The following TNXB variants were observed in gnomAD, a reference collection of about 807,000 sequenced individuals.
TNXB encodes the protein tenascin-X.
Under a neutral mutation model 340.5 loss-of-function variants are expected in TNXB, and 183 were observed. That is an observed-to-expected ratio of 0.54 (90% CI 0.48 to 0.61). TNXB has a LOEUF of 0.61. Among genes scored for constraint, TNXB ranks in the 20% least tolerant of loss-of-function variants. The pLI is 0.00. For synonymous variants in TNXB, 2,121 were observed against 2,314.5 expected (o/e 0.92, Z 2.40); for missense variants, 4,613 against 5,446.4 (o/e 0.85, Z 4.82).
rs1387993408 is a variant in TNXB, at chr6:32,108,022, C to T, written c.-9+1159G>A. On this transcript the variant is annotated intron_variant, in intron 1 of 43. Coordinates refer to ENST00000644971, the MANE Select transcript of TNXB (RefSeq NM_001365276.2). This position sits in a 1 kb window ranked among gnomAD's most constrained non-coding sequence, Gnocchi z 4.8. ...TGGAAAAATTAAGAGAAAGGATTTC[C>T]AGGCCCCAGCTGAAAATGGTTAGGG... Among the ~76,000 whole-genome samples, 1 of 152,104 alleles carries T rather than the reference C, an allele frequency of 6.6e-6. No homozygotes were observed. The highest frequency in any genetic ancestry group is 1.5e-5 in the Non-Finnish European group (1 of 68,028).
chr6:32,048,375 C>T lies in TNXB; in HGVS notation c.10033G>A (p.Glu3345Lys), dbSNP rs1401796717. 2.7e-6 allele frequency: 4 copies of T among 1,501,598 alleles called. No homozygotes were observed. The highest frequency in any genetic ancestry group is 1.4e-5 in the African/African-American group (1 of 72,050). 93.0% of individuals were successfully genotyped at this position (1,501,598 alleles called of 1,614,324 possible). A position where few individuals can be genotyped will look rare whatever the true frequency, so the allele number is the denominator to read the frequency against. ...AGCCCTCACTCACCGGTCCTGGCCT[C>T]CACAGGGACTGGGCCGTGGCGTTTC... Reference protein sequence around the residue: ...NGKRHGPVPVEARTAPDTKPS... With the variant: ...NGKRHGPVPVKARTAPDTKPS... The change falls in exon 29 of 44, where the codon GAG (glutamate) becomes AAG (lysine). Residue 3345 changes from glutamate to lysine, a missense_variant. This residue lies in a region of TNXB where 4,327 missense variants were observed against 4,859.4 expected (regional missense o/e 0.89). Coordinates refer to ENST00000644971, the MANE Select transcript of TNXB (RefSeq NM_001365276.2).
rs553143905 is a variant in TNXB at position 32,097,580 on chromosome 6, C to T, written c.404-131G>A. 1.2e-4 allele frequency: 143 copies of T among 1,228,930 alleles called. 2 individuals carry two copies. In the South Asian group the frequency reaches 2.2e-3, roughly 19 times the overall value. 76.1% of individuals were successfully genotyped at this position (1,228,930 alleles called of 1,614,324 possible). ...ATAAGGCCATGTCTGCTCCCAGTTG[C>T]TAGTATGTGTAATGTATGCAGCCTC... is the stretch of plus-strand genomic sequence containing the variant. On this transcript the variant is annotated intron_variant, in intron 2 of 43. Coordinates refer to ENST00000644971, the MANE Select transcript of TNXB (RefSeq NM_001365276.2). This position sits in a 1 kb window ranked among gnomAD's most constrained non-coding sequence, Gnocchi z 5.9.
rs1780010839 is a variant in TNXB, at chr6:32,090,117, A to G, written c.2359-738T>C. Among the ~76,000 whole-genome samples, 1 of 152,170 alleles carries G rather than the reference A, an allele frequency of 6.6e-6. No individual in the cohort carries two copies. Among genetic ancestry groups the G allele is most frequent in the African/African-American group, 2.4e-5 (1 of 41,438 alleles). On this transcript the variant is annotated intron_variant, in intron 4 of 43. Transcript: ENST00000644971. The surrounding 1 kb of genome is among the most constrained non-coding windows in gnomAD (Gnocchi z 4.3). ...AGAACCACCTGCTCAAAGTTCCACA[A>G]ATATGTTTCCTGATTGTTGATTTTG...
At chr6:32,057,272 C>T (rs1475272707) in intron 22 of TNXB, among the ~76,000 whole-genome samples, 4 of 152,204 alleles carry the variant, frequency 2.6e-5, no homozygotes, top group Admixed American at 6.5e-5. Flanking sequence ...AAGCTCAGCA[C>T]ACTCCTCCCG....
rs913678549 is a variant in TNXB at position 32,085,257 on chromosome 6, AC to A, written c.3148+492del. Among the ~76,000 whole-genome samples, 2 of 151,904 alleles carry A rather than the reference AC, an allele frequency of 1.3e-5. No individual in the cohort carries two copies. Among genetic ancestry groups the A allele is most frequent in the African/African-American group, 4.8e-5 (2 of 41,340 alleles). The stretch of plus-strand genomic sequence containing the variant: ...GAGCCCCCTGCCCCAAGGAGCCTTC[AC>A]CCCCAGCAGAAACTGGCTGATGGGA... On this transcript the variant is annotated intron_variant, in intron 7 of 43. Transcript: ENST00000644971. The surrounding 1 kb of genome is among the most constrained non-coding windows in gnomAD (Gnocchi z 6.4).
chr6:32,056,439 T>C, intron 23 of TNXB, 147 bp downstream of exon 23: 2 of 1,392,166 alleles, frequency 1.4e-6, no homozygotes, highest in Non-Finnish European at 2.0e-6. Context: ...GGGGTCAGCC[T>C]CAGAGGAAGG....
chr6:32,096,197 T>G lies in TNXB; in HGVS notation c.1656A>C (p.Glu552Asp), dbSNP rs746751037. Residue 552 changes from glutamate to aspartate, a missense_variant, in exon 3 of 44, where the codon GAA (glutamate) becomes GAC (aspartate). Around this residue, in one of 7 missense-constraint regions of TNXB, gnomAD observed 4,327 missense variants for 4,859.4 expected, o/e 0.89. Coordinates refer to ENST00000644971, the MANE Select transcript of TNXB (RefSeq NM_001365276.2). The part of the protein sequence containing the change: ...VCVCDAGYSG[E>D]DCSTRSCPGG... ...CGGGGCAGCTGCGCGTGCTGCAGTC[T>G]TCCCCTGAGTAGCCTGCGTCACACA... 2 of 1,565,178 alleles carry G rather than the reference T, an allele frequency of 1.3e-6. No homozygotes were observed. Among genetic ancestry groups the G allele is most frequent in the African/African-American group, 2.7e-5 (2 of 72,840 alleles).
At position 32,081,195 on chromosome 6, in the gene TNXB, G is replaced by A. The variant is rs559351332; in HGVS notation, c.4042+173C>T. 3.3e-5 allele frequency among the ~76,000 whole-genome samples: 5 copies of A among 152,284 alleles called. No homozygotes were observed. The South Asian group carries it at 1.0e-3, about 32-fold the overall frequency. ...AGAGATGAGGAGGTGGAGGCTGGAT[G>A]AGGGGGACCTGGCATGCAGAGGACA... On this transcript the variant is annotated intron_variant, in intron 10 of 43. Coordinates refer to ENST00000644971, the MANE Select transcript of TNXB (RefSeq NM_001365276.2). The surrounding 1 kb of genome is among the most constrained non-coding windows in gnomAD (Gnocchi z 5.1).
chr6:32,047,961 G>A lies in TNXB; in HGVS notation c.10097C>T (p.Ala3366Val), dbSNP rs772853952. Reference sequence around the variant, plus strand: ...CGAGAGGCCCACGGAGTCAGGGGTCGCATCTGTCACAGTCAGCTCCCCCAG... The same window carrying A: ...CGAGAGGCCCACGGAGTCAGGGGTCACATCTGTCACAGTCAGCTCCCCCAG... ...PRLGELTVTD[A>V]TPDSVGLSWT... is the part of the protein sequence containing the mutation. The change falls in exon 30 of 44, where the codon GCG becomes GTG. Residue 3366 changes from alanine (A) to valine (V), a missense_variant. Ala to Val is a moderately conservative substitution (Grantham distance 64). Coordinates refer to ENST00000644971, the MANE Select transcript of TNXB (RefSeq NM_001365276.2). This position sits in a 1 kb window ranked among gnomAD's most constrained non-coding sequence, Gnocchi z 6.2. 2.1e-5 allele frequency: 34 copies of A among 1,611,416 alleles called. No individual in the cohort carries two copies. Among genetic ancestry groups the A allele is most frequent in the Middle Eastern group, 1.6e-4 (1 of 6,084 alleles).
In TNXB at chr6:32,097,208, C is replaced by T; in HGVS notation, c.645G>A (p.Trp215Ter). ...FPGYTGPSCG[W>*]PSCPGDCQGR... ...CTTGGCAGTCCCCGGGACAGGATGGCCAGCCACAGCTGGGGCCAGTGTAGC... is the reference window on the plus strand; with the variant it reads ...CTTGGCAGTCCCCGGGACAGGATGGTCAGCCACAGCTGGGGCCAGTGTAGC... The change falls in exon 3 of 44, where the codon TGG (tryptophan) becomes TGA (stop). Residue 215 changes from tryptophan to a stop codon, truncating the protein, a stop_gained. Transcript: ENST00000644971. LOFTEE classifies it high-confidence loss of function. This position sits in a 1 kb window ranked among gnomAD's most constrained non-coding sequence, Gnocchi z 5.9. 2 of 1,597,620 alleles carry T rather than the reference C, an allele frequency of 1.3e-6. No individual in the cohort carries two copies. Among genetic ancestry groups the T allele is most frequent in the South Asian group, 1.1e-5 (1 of 89,002 alleles).
intron 4 of TNXB, among the ~76,000 whole-genome samples, chr6:32,091,931 G>C (rs1301355447): frequency 6.6e-6 from 1 of 152,186 alleles, no homozygotes; most frequent in Non-Finnish European, 1.5e-5. Flanking sequence ...GAGGCTGTGA[G>C]GTTTTGAGTC....
At position 32,085,237 on chromosome 6, in the gene TNXB, C is replaced by T. The variant is rs1321669733; in HGVS notation, c.3148+513G>A. On this transcript the variant is annotated intron_variant, in intron 7 of 43. Coordinates refer to ENST00000644971, the MANE Select transcript of TNXB (RefSeq NM_001365276.2). The surrounding 1 kb of genome is among the most constrained non-coding windows in gnomAD (Gnocchi z 6.4). ...CTGAAGTCCTGATGGCTGTGGAGCC[C>T]CCTGCCCCAAGGAGCCTTCACCCCC... Among the ~76,000 whole-genome samples the T allele has an allele frequency of 1.3e-5, 2 of 152,108 alleles. No homozygotes were observed. The highest frequency in any genetic ancestry group is 2.9e-5 in the Non-Finnish European group (2 of 68,024).
chr6:32,061,381 T>A lies in TNXB; in HGVS notation c.7492+16A>T. 6.2e-7 allele frequency: 1 copy of A among 1,608,208 alleles called. No homozygotes were observed. The stretch of plus-strand genomic sequence containing the variant: ...GAGGGAAAGGTGGTTACCCCGAGAC[T>A]CCAAGCACTACTCACCAGTCACGCC... On this transcript the variant is annotated intron_variant, in intron 21 of 43. Transcript: ENST00000644971. This position sits in a 1 kb window ranked among gnomAD's most constrained non-coding sequence, Gnocchi z 4.4.
intron 13 of TNXB, among the ~76,000 whole-genome samples, chr6:32,071,436 CCCTGCAGGAAGAGG>C (rs1166632708): frequency 6.6e-6 from 1 of 152,100 alleles, no homozygotes; most frequent in African/African-American, 2.4e-5. Flanking sequence ...CCCACATCCA[CCCTGCAGGAAGAGG>C]CCTGTAGGGG....
rs376285310 is a variant in TNXB, at chr6:32,081,465, A to C, written c.3945T>G (p.Thr1315=). 1.9e-6 allele frequency: 3 copies of C among 1,597,708 alleles called. No homozygotes were observed. In the African/African-American group the frequency reaches 4.0e-5, roughly 21 times the overall value. ...TCCGGTCGGGATCCAGGCCGGGGAC[A>C]GTAACCTCATTCTCATCCCCCGCAA... ...VPVAGDENEV[T]VPGLDPDRKY... is the part of the protein sequence containing the mutation. Residue 1315 remains threonine (T), a synonymous_variant, in exon 10 of 44, where the codon ACT becomes ACG. Transcript: ENST00000644971. This position sits in a 1 kb window ranked among gnomAD's most constrained non-coding sequence, Gnocchi z 5.1.
Position 32,096,833 on chromosome 6 carries a change from C to T in TNXB, c.1020G>A (p.Arg340=). ...PGYTGEDCGT[R]SCPWDCGEGG... ...CCTCGCCACAGTCCCAGGGGCAGCT[C>T]CGCGTACCACAGTCCTCGCCAGTGT... Residue 340 remains arginine (R), a synonymous_variant, in exon 3 of 44, where the codon CGG becomes CGA. Coordinates refer to ENST00000644971, the MANE Select transcript of TNXB (RefSeq NM_001365276.2). 2.5e-6 allele frequency: 4 copies of T among 1,601,734 alleles called. No individual in the cohort carries two copies. Among genetic ancestry groups the T allele is most frequent in the Non-Finnish European group, 3.4e-6 (4 of 1,175,356 alleles).
At chr6:32,088,546 G>C (rs962028328) in intron 6 of TNXB, among the ~76,000 whole-genome samples, 1 of 141,290 alleles carries the variant, frequency 7.1e-6, no homozygotes, top group African/African-American at 2.7e-5. Context: ...TTCTCTCCCT[G>C]GGGCCATTCC....
chr6:32,054,418 A>G (rs1029148326), intron 24 of TNXB, among the ~76,000 whole-genome samples: 1 of 152,130 alleles, frequency 6.6e-6, no homozygotes, highest in African/African-American at 2.4e-5. Flanking sequence ...CTCTGCTCCC[A>G]CACTTCAGGA....
Position 32,090,402 on chromosome 6 carries a change from C to A in TNXB, c.2359-1023G>T, listed in dbSNP as rs529571152. ...CAGGCAGGGTCTCCTGGAATGCCCA[C>A]CACTGGGGAAACAGGAGGAACTGTA... On this transcript the variant is annotated intron_variant, in intron 4 of 43. Transcript: ENST00000644971. This position sits in a 1 kb window ranked among gnomAD's most constrained non-coding sequence, Gnocchi z 4.3. Among the ~76,000 whole-genome samples the A allele has an allele frequency of 3.3e-5, 5 of 152,316 alleles. No individual in the cohort carries two copies. Among genetic ancestry groups the A allele is most frequent in the Non-Finnish European group, 5.9e-5 (4 of 68,036 alleles).
Sources: gnomAD v4.1 joint callset for allele counts (sites outside exome capture counted in the v4.1 genomes callset) on GRCh38, gnomAD v4.1.1 for gene constraint, gnomAD v4.1.1 regional missense constraint, Gnocchi (gnomAD v3.1) non-coding constraint, MANE v1.5 for transcripts, NCBI Gene and HGNC (gene_info 2026-07-23, HGNC 2026-07-21) for gene names.